TXNRD3: variants seen among roughly 807,000 people sequenced by gnomAD.
TXNRD3 encodes TXNRD3 neighbor gene protein.
In TXNRD3, 68 loss-of-function variants were observed where a neutral mutation model predicts 78.2. The ratio of observed to expected loss-of-function variants is 0.87; its 90% CI spans 0.72 to 1.06. The LOEUF (loss-of-function observed/expected upper bound fraction) is 1.06, where lower values mean the gene tolerates loss of function less well. Among genes scored for constraint, TXNRD3 ranks in the 50% least tolerant of loss-of-function variants. The pLI is 0.00. For missense variants in TXNRD3, 751 were observed against 809.5 expected (o/e 0.93, Z 0.88); for synonymous variants, 296 against 300.1 (o/e 0.99, Z 0.14).
intron 1 of TXNRD3, 47 bp downstream of exon 1, chr3:126,654,701 T>G: frequency 1.7e-6 from 2 of 1,211,740 alleles, no homozygotes; most frequent in Non-Finnish European, 2.1e-6. Context: ...GGCGTCCGCG[T>G]GGCGGGCCCG....
chr3:126,608,752 T>C (rs1000897326), intron 14 of TXNRD3, 119 bp from the exon 15 acceptor site: 4 of 1,157,428 alleles, frequency 3.5e-6, no homozygotes, highest in Non-Finnish European at 4.6e-6. Context: ...AGAACTTCAA[T>C]GTCAAAGTGA....
chr3:126,639,843 C>A (rs952557164), intron 6 of TXNRD3, among the ~76,000 whole-genome samples: 1 of 152,116 alleles, frequency 6.6e-6, no homozygotes, highest in South Asian at 2.1e-4. Flanking sequence ...ATCCTTCTAC[C>A]TCAGCCTCCC....
chr3:126,611,959 C>T (rs1938207680), intron 13 of TXNRD3, among the ~76,000 whole-genome samples: 1 of 152,112 alleles, frequency 6.6e-6, no homozygotes, highest in Non-Finnish European at 1.5e-5. Context: ...TATACAGTTA[C>T]TTGTAGCCAA....
chr3:126,651,879 A>G (rs913570464), intron 1 of TXNRD3, among the ~76,000 whole-genome samples: 2 of 152,218 alleles, frequency 1.3e-5, no homozygotes, highest in Non-Finnish European at 2.9e-5. Flanking sequence ...AATTTTCAGG[A>G]GCTAAAACAG....
rs561148949 is a variant in TXNRD3 at position 126,651,216 on chromosome 3, G to T, written c.243+3532C>A. 2.4e-3 allele frequency among the ~76,000 whole-genome samples: 366 copies of T among 152,306 alleles called. 3 individuals carry two copies. Among genetic ancestry groups the T allele is most frequent in the African/African-American group, 8.7e-3 (360 of 41,574 alleles). ...AGCGGCCACATGTAAAGACGGACAT[G>T]TAAGAAAGCAGGCTACTCAGTCAAG... On this transcript the variant is annotated intron_variant, in intron 1 of 15. Transcript: ENST00000524230.
rs1172052066 is a variant in TXNRD3 at position 126,608,544 on chromosome 3, T to C, written c.1818A>G (p.Lys606=). 1.3e-6 allele frequency: 2 copies of C among 1,535,834 alleles called. No homozygotes were observed. Among genetic ancestry groups the C allele is most frequent in the Non-Finnish European group, 1.7e-6 (2 of 1,146,850 alleles). The stretch of plus-strand genomic sequence containing the variant: ...TTCCAATGGTGTCATCAAGTAGCTG[T>C]TTTGTGAGCCCACATTTCATTGCAG... Residue 606 remains lysine (K), a synonymous_variant, in exon 15 of 16, where the codon AAA becomes AAG. Transcript: ENST00000524230.
At chr3:126,617,533 C>A (rs940235639) in intron 12 of TXNRD3, among the ~76,000 whole-genome samples, 2 of 152,174 alleles carry the variant, frequency 1.3e-5, no homozygotes, top group African/African-American at 4.8e-5. Context: ...TGGCATTCCT[C>A]ATGGAGAATC....
At chr3:126,624,499 C>A (rs928091134) in intron 10 of TXNRD3, among the ~76,000 whole-genome samples, 13 of 151,754 alleles carry the variant, frequency 8.6e-5, no homozygotes, top group Admixed American at 5.9e-4. Context: ...CGGCTCACTG[C>A]AAGCTCTGCC....
intron 6 of TXNRD3, among the ~76,000 whole-genome samples, chr3:126,634,322 C>T (rs1394854955): frequency 6.6e-6 from 1 of 152,128 alleles, no homozygotes; most frequent in Non-Finnish European, 1.5e-5. Flanking sequence ...TATGGCAACG[C>T]CTGCCACGAC....
chr3:126,652,534 A>G (rs1933414850), intron 1 of TXNRD3, among the ~76,000 whole-genome samples: 1 of 152,212 alleles, frequency 6.6e-6, no homozygotes, highest in South Asian at 2.1e-4. Context: ...GATTTAAAAA[A>G]CTATTTCCAG....
intron 6 of TXNRD3, among the ~76,000 whole-genome samples, chr3:126,641,590 T>C (rs1198291098): frequency 6.6e-6 from 1 of 152,246 alleles, no homozygotes; most frequent in East Asian, 1.9e-4. Context: ...CAGGTAGCTC[T>C]GTCTTCCTCA....
chr3:126,620,249 C>T (rs932122657), intron 12 of TXNRD3, among the ~76,000 whole-genome samples: 2 of 142,754 alleles, frequency 1.4e-5, no homozygotes, highest in East Asian at 2.1e-4. Context: ...GAGCAGAGAT[C>T]GAGCCACTGC....
intron 13 of TXNRD3, 40 bp from the exon 14 acceptor site, chr3:126,611,172 T>C: frequency 7.9e-7 from 1 of 1,264,776 alleles, no homozygotes; most frequent in African/African-American, 1.5e-5. Context: ...AATTAATGTA[T>C]ATGGAAACCA....
At chr3:126,642,776 AG>A (rs1235488141) in intron 5 of TXNRD3, among the ~76,000 whole-genome samples, 1 of 152,236 alleles carries the variant, frequency 6.6e-6, no homozygotes, top group African/African-American at 2.4e-5. Flanking sequence ...AAATCGAAGT[AG>A]ATTAGCTTTT....
chr3:126,652,655 C>A (rs1481112741), intron 1 of TXNRD3, among the ~76,000 whole-genome samples: 1 of 152,184 alleles, frequency 6.6e-6, no homozygotes, highest in African/African-American at 2.4e-5. Flanking sequence ...GGTGTATCTA[C>A]ATTTTCCCAG....
At chr3:126,616,066 A>C (rs998490479) in intron 12 of TXNRD3, among the ~76,000 whole-genome samples, 2 of 152,178 alleles carry the variant, frequency 1.3e-5, no homozygotes, top group Non-Finnish European at 2.9e-5. Flanking sequence ...GGGGTTAAGA[A>C]AGAACCATCT....
chr3:126,612,135 T>C (rs1388397809), intron 13 of TXNRD3, among the ~76,000 whole-genome samples: 1 of 152,114 alleles, frequency 6.6e-6, no homozygotes, highest in Non-Finnish European at 1.5e-5. Flanking sequence ...ACTGCCCAGG[T>C]TCGAGCGATC....
intron 6 of TXNRD3, among the ~76,000 whole-genome samples, chr3:126,638,862 G>T (rs1309480922): frequency 6.6e-6 from 1 of 152,214 alleles, no homozygotes; most frequent in Non-Finnish European, 1.5e-5. Context: ...CAGAATTAAC[G>T]TCATTTGACC....
At chr3:126,624,081 T>C (rs1396329265) in intron 10 of TXNRD3, among the ~76,000 whole-genome samples, 9 of 152,032 alleles carry the variant, frequency 5.9e-5, no homozygotes, top group Non-Finnish European at 1.5e-5. Flanking sequence ...TGATAAAACA[T>C]TGCTGAGAGG....
Sources: gnomAD v4.1 joint callset for allele counts (sites outside exome capture counted in the v4.1 genomes callset) on GRCh38, gnomAD v4.1.1 for gene constraint, MANE v1.5 for transcripts, NCBI Gene and HGNC (gene_info 2026-07-23, HGNC 2026-07-21) for gene names.